The following PLXNA2 variants were observed in gnomAD, a reference collection of about 807,000 sequenced individuals.
The protein encoded by PLXNA2 is plexin-A2.
In PLXNA2, 91 loss-of-function variants were observed where a neutral mutation model predicts 193.5. The ratio of observed to expected loss-of-function variants is 0.47; its 90% CI spans 0.40 to 0.56. The LOEUF is 0.56. PLXNA2 is among the 20% of genes least tolerant of loss of function. The pLI is 0.00. For synonymous variants in PLXNA2, 997 were observed against 1,027.3 expected (o/e 0.97, Z 0.56); for missense variants, 1,995 against 2,503.2 (o/e 0.80, Z 4.33).
intron 3 of PLXNA2, among the ~76,000 whole-genome samples, chr1:208,163,407 A>G (rs1271754729): frequency 1.4e-4 from 22 of 152,316 alleles, no homozygotes; most frequent in Admixed American, 1.3e-3. Flanking sequence ...AAAGGAGGGC[A>G]GGTGAGGGAA....
chr1:208,138,115 T>C (rs939934504), intron 4 of PLXNA2, among the ~76,000 whole-genome samples: 4 of 152,190 alleles, frequency 2.6e-5, no homozygotes, highest in African/African-American at 9.7e-5. Flanking sequence ...TAAATTGCTG[T>C]CTCAAAGTAG....
chr1:208,201,529 C>T (rs1054177312), intron 3 of PLXNA2, among the ~76,000 whole-genome samples: 1 of 152,104 alleles, frequency 6.6e-6, no homozygotes, highest in Non-Finnish European at 1.5e-5. Flanking sequence ...TCTCTTCCTC[C>T]GTCTGACCTT....
At chr1:208,173,052 A>C (rs1669544658) in intron 3 of PLXNA2, among the ~76,000 whole-genome samples, 1 of 152,186 alleles carries the variant, frequency 6.6e-6, no homozygotes, top group African/African-American at 2.4e-5. Context: ...CAAAATCTAC[A>C]ACCAGTATTG....
chr1:208,213,044 C>T (rs576632549), intron 2 of PLXNA2, among the ~76,000 whole-genome samples: 2 of 152,144 alleles, frequency 1.3e-5, no homozygotes, highest in Non-Finnish European at 2.9e-5. Context: ...GCTGGTAAGG[C>T]CACAGAGTCT....
chr1:208,048,520 A>G (rs1184781336), intron 17 of PLXNA2, among the ~76,000 whole-genome samples: 2 of 152,226 alleles, frequency 1.3e-5, no homozygotes, highest in Non-Finnish European at 2.9e-5. Flanking sequence ...AGCTCCCCAG[A>G]GGGCAGAACT....
rs112742316 is a variant in PLXNA2 at position 208,180,181 on chromosome 1, T to A, written c.1371+30099A>T. On this transcript the variant is annotated intron_variant, in intron 3 of 31. Transcript: ENST00000367033. ...GGGCTTGTATTTTTTTTTTTTTTTT[T>A]AAATAACTGTGTGTATGTTAAAGTC... Among the ~76,000 whole-genome samples the A allele has an allele frequency of 2.1e-4, 27 of 129,846 alleles. 2 individuals carry two copies. Among genetic ancestry groups the A allele is most frequent in the African/African-American group, 7.0e-4 (24 of 34,182 alleles). 85.2% of individuals were successfully genotyped at this position (129,846 alleles called of 152,430 possible).
At chr1:208,179,281 C>T (rs1669763170) in intron 3 of PLXNA2, among the ~76,000 whole-genome samples, 2 of 152,328 alleles carry the variant, frequency 1.3e-5, no homozygotes, top group African/African-American at 2.4e-5. Context: ...GCACCAATAA[C>T]GTGAGGTCAG....
chr1:208,180,368 G>A (rs988733722), intron 3 of PLXNA2, among the ~76,000 whole-genome samples: 6 of 152,078 alleles, frequency 3.9e-5, no homozygotes, highest in South Asian at 2.1e-4. Flanking sequence ...CACCTCTGCC[G>A]GGATGGCTGG....
chr1:208,225,796 GA>G (rs1671491344), intron 1 of PLXNA2, among the ~76,000 whole-genome samples: 1 of 152,218 alleles, frequency 6.6e-6, no homozygotes, highest in African/African-American at 2.4e-5. Context: ...AAGCTCAGAA[GA>G]GAGGTCTGGA....
At chr1:208,114,517 C>A (rs183103404) in intron 4 of PLXNA2, among the ~76,000 whole-genome samples, 3 of 152,270 alleles carry the variant, frequency 2.0e-5, no homozygotes, top group Admixed American at 6.5e-5. Context: ...TGAGACCAGA[C>A]TCTACCTCTC....
chr1:208,184,543 A>G (rs1224566796), intron 3 of PLXNA2, among the ~76,000 whole-genome samples: 2 of 151,888 alleles, frequency 1.3e-5, no homozygotes, highest in African/African-American at 2.4e-5. Flanking sequence ...GTAGGCAGGG[A>G]TGGAAGGGGC....
At chr1:208,142,572 GTCACTAC>G in intron 3 of PLXNA2, 109 bp from the exon 4 acceptor site, 1 of 1,079,830 alleles carries the variant, frequency 9.3e-7, no homozygotes, top group South Asian at 1.8e-5. Flanking sequence ...CTAACCCCCA[GTCACTAC>G]TCCATAGACT....
rs893701453 is a variant in PLXNA2 at position 208,033,524 on chromosome 1, T to C, written c.4865-15A>G. The C allele has an allele frequency of 1.3e-6, 2 of 1,587,816 alleles. No homozygotes were observed. Among genetic ancestry groups the C allele is most frequent in the Non-Finnish European group, 1.7e-6 (2 of 1,162,480 alleles). Reference sequence around the variant, plus strand: ...GAAGGAGGAGTCTGAGGAGAAGGGGTTGGTGGAGGGCTGTGAGTAACAGTC... The same window carrying C: ...GAAGGAGGAGTCTGAGGAGAAGGGGCTGGTGGAGGGCTGTGAGTAACAGTC... On this transcript the variant is annotated splice_polypyrimidine_tract_variant and intron_variant, in intron 27 of 31. Coordinates refer to ENST00000367033, the MANE Select transcript of PLXNA2 (RefSeq NM_025179.4).
In PLXNA2 at chr1:208,096,903, A is replaced by T. The variant is rs762477154; in HGVS notation, c.1732-20T>A. The T allele has an allele frequency of 1.1e-5, 17 of 1,606,170 alleles. No individual in the cohort carries two copies. The highest frequency in any genetic ancestry group is 1.4e-5 in the Non-Finnish European group (17 of 1,177,044). Reference sequence around the variant, plus strand: ...GCTAAGCTGTGGGAGGAGCAAAGAGATGATGCCAAAGAAATGCCTCAGGAG... The same window carrying T: ...GCTAAGCTGTGGGAGGAGCAAAGAGTTGATGCCAAAGAAATGCCTCAGGAG... On this transcript the variant is annotated intron_variant, in intron 6 of 31. Coordinates refer to ENST00000367033, the MANE Select transcript of PLXNA2 (RefSeq NM_025179.4).
intron 3 of PLXNA2, among the ~76,000 whole-genome samples, chr1:208,146,187 G>T (rs1668595700): frequency 6.6e-6 from 1 of 152,162 alleles, no homozygotes; most frequent in Non-Finnish European, 1.5e-5. Context: ...TGAGTGCAGG[G>T]TTTAAGTCTG....
rs183335858 is a variant in PLXNA2, at chr1:208,063,674, G to T, written c.2587-2837C>A. ...GTGTACCATGCTGCCAGCACCCAGG[G>T]TAGGTGGCAAGGGAGTTCAGGAGAC... On this transcript the variant is annotated intron_variant, in intron 12 of 31. Transcript: ENST00000367033. Among the ~76,000 whole-genome samples, 13 of 152,288 alleles carry T rather than the reference G, an allele frequency of 8.5e-5. No individual in the cohort carries two copies. The East Asian group carries it at 2.5e-3, about 29-fold the overall frequency.
At chr1:208,084,610 G>A (rs1465193597) in intron 9 of PLXNA2, 30 bp from the exon 10 acceptor site, 2 of 1,604,444 alleles carry the variant, frequency 1.2e-6, no homozygotes, top group South Asian at 2.2e-5. Flanking sequence ...GGCTCCATCT[G>A]TCCCCTGTTC....
intron 9 of PLXNA2, among the ~76,000 whole-genome samples, chr1:208,088,386 A>G (rs574244013): frequency 6.6e-6 from 1 of 152,320 alleles, no homozygotes; most frequent in East Asian, 1.9e-4. Context: ...ACTGGACTTC[A>G]AAGAGAGAGC....
intron 3 of PLXNA2, among the ~76,000 whole-genome samples, chr1:208,184,588 C>T (rs1279785381): frequency 6.6e-6 from 1 of 152,104 alleles, no homozygotes; most frequent in African/African-American, 2.4e-5. Context: ...AGTTATGCTT[C>T]AGTCAATCTT....
Sources: gnomAD v4.1 joint callset for allele counts (sites outside exome capture counted in the v4.1 genomes callset) on GRCh38, gnomAD v4.1.1 for gene constraint, MANE v1.5 for transcripts, NCBI Gene and HGNC (gene_info 2026-07-23, HGNC 2026-07-21) for gene names.